PLEKHA8: variants seen among roughly 807,000 people sequenced by gnomAD.
PLEKHA8 encodes the protein pleckstrin homology domain-containing family A member 8.
PLEKHA8 carries 36 observed loss-of-function variants against 68.2 expected under a neutral mutation model. The ratio of observed to expected loss-of-function variants is 0.53; its 90% CI spans 0.40 to 0.70. The LOEUF (loss-of-function observed/expected upper bound fraction) is 0.70. Ranked by LOEUF, PLEKHA8 falls within the 30% of genes least tolerant of loss-of-function variation. The pLI is 0.00. For missense variants in PLEKHA8, 505 were observed against 615.4 expected (o/e 0.82, Z 1.90); for synonymous variants, 211 against 216.1 (o/e 0.98, Z 0.20).
chr7:30,034,229 G>T (rs116864115), intron 1 of PLEKHA8, among the ~76,000 whole-genome samples: 2,310 of 151,732 alleles, frequency 0.015, 26 homozygotes, highest in Non-Finnish European at 0.023. Flanking sequence ...AGGCTGGTCC[G>T]AACTCCTGAC....
At chr7:30,046,170 G>A (rs374624860) in intron 2 of PLEKHA8, 40 bp from the exon 3 acceptor site, 17 of 1,510,436 alleles carry the variant, frequency 1.1e-5, no homozygotes, top group Non-Finnish European at 1.5e-5. Context: ...CCCAGACAGG[G>A]CTCTTCTGAG....
chr7:30,104,367 ATCT>A (rs1264062018), intron 13 of PLEKHA8, among the ~76,000 whole-genome samples: 3 of 152,178 alleles, frequency 2.0e-5, no homozygotes, highest in Non-Finnish European at 2.9e-5. Context: ...CCAATGACCC[ATCT>A]TCTCCTAGAA....
At chr7:30,032,948 T>C (rs535999827) in intron 1 of PLEKHA8, among the ~76,000 whole-genome samples, 2 of 152,358 alleles carry the variant, frequency 1.3e-5, no homozygotes, top group Admixed American at 6.5e-5. Flanking sequence ...AAAGCCTGCA[T>C]CATACTGGCC....
intron 13 of PLEKHA8, among the ~76,000 whole-genome samples, chr7:30,100,870 A>T (rs1411249532): frequency 2.6e-5 from 4 of 152,210 alleles, no homozygotes; most frequent in Admixed American, 6.5e-5. Flanking sequence ...TAAATGTAGG[A>T]TGTTTGCAAG....
At chr7:30,101,958 T>C (rs921387694) in intron 13 of PLEKHA8, among the ~76,000 whole-genome samples, 4 of 152,190 alleles carry the variant, frequency 2.6e-5, no homozygotes, top group African/African-American at 7.2e-5. Context: ...TAAAAAACTT[T>C]TGTGCATCAA....
intron 13 of PLEKHA8, among the ~76,000 whole-genome samples, chr7:30,101,155 C>A (rs1196746036): frequency 6.6e-6 from 1 of 150,782 alleles, no homozygotes; most frequent in Non-Finnish European, 1.5e-5. Context: ...GCACTCCAGC[C>A]TGGGCAACAG....
intron 9 of PLEKHA8, among the ~76,000 whole-genome samples, chr7:30,057,457 C>G (rs1315362524): frequency 1.3e-5 from 2 of 150,600 alleles, no homozygotes; most frequent in Non-Finnish European, 3.0e-5. Context: ...TAGTTTGGGA[C>G]TCTTTTTTTT....
At position 30,046,193 on chromosome 7, in the gene PLEKHA8, C is replaced by T. The variant is rs1290979405; in HGVS notation, c.158-17C>T. The T allele has an allele frequency of 3.8e-6, 6 of 1,568,384 alleles. No individual in the cohort carries two copies. In the African/African-American group the frequency reaches 5.4e-5, roughly 14 times the overall value. On this transcript the variant is annotated splice_polypyrimidine_tract_variant and intron_variant, in intron 2 of 13. Transcript: ENST00000449726. Reference sequence around the variant, plus strand: ...GGGCTCTTCTGAGTCTCTGATCTCCCTCTGTCTTGCTCCCAGTTCATTCTG... The same window carrying T: ...GGGCTCTTCTGAGTCTCTGATCTCCTTCTGTCTTGCTCCCAGTTCATTCTG...
chr7:30,095,025 C>T (rs1279452856), downstream of PLEKHA8, among the ~76,000 whole-genome samples: 4 of 152,162 alleles, frequency 2.6e-5, no homozygotes, highest in South Asian at 4.2e-4. Context: ...ATTTATAATC[C>T]TTTGGGTATA....
At chr7:30,094,593 A>G (rs1795534865), downstream of PLEKHA8, among the ~76,000 whole-genome samples, 4 of 151,866 alleles carry the variant, frequency 2.6e-5, no homozygotes, top group Admixed American at 2.0e-4. Flanking sequence ...TACATGTGCC[A>G]TGTTGGTGTG....
Position 30,084,161 on chromosome 7 carries a change from T to C in PLEKHA8, c.*5374T>C. 1 of 985,298 alleles carries C rather than the reference T, an allele frequency of 1.0e-6. No individual in the cohort carries two copies. Among genetic ancestry groups the C allele is most frequent in the Non-Finnish European group, 1.2e-6 (1 of 829,774 alleles). 61.0% of individuals were successfully genotyped at this position (985,298 alleles called of 1,614,324 possible). On this transcript the variant is annotated 3_prime_UTR_variant, in exon 14 of 14. Coordinates refer to ENST00000449726, the MANE Select transcript of PLEKHA8 (RefSeq NM_001197026.2). ...TTAATAGACTTAACAAATTAATGTC[T>C]ACATAAAGAAGAAACATGATAGACC...
chr7:30,056,852 AATAT>A (rs1451250424), intron 9 of PLEKHA8, among the ~76,000 whole-genome samples: 1 of 143,542 alleles, frequency 7.0e-6, no homozygotes, highest in Non-Finnish European at 1.5e-5. Flanking sequence ...TTAATAGATA[AATAT>A]ATCTGAAAAT....
At chr7:30,063,657 C>T (rs1457816187) in intron 12 of PLEKHA8, among the ~76,000 whole-genome samples, 1 of 152,122 alleles carries the variant, frequency 6.6e-6, no homozygotes. Flanking sequence ...ACGTGATTTC[C>T]CGAGTCTGCC....
At chr7:30,047,756 C>T in intron 3 of PLEKHA8, 76 bp from the exon 4 acceptor site, 1 of 1,427,460 alleles carries the variant, frequency 7.0e-7, no homozygotes, top group Non-Finnish European at 9.5e-7. Context: ...GTAAGGATTC[C>T]TCTTCTGCAT....
intron 1 of PLEKHA8, among the ~76,000 whole-genome samples, chr7:30,043,675 C>T (rs1044062697): frequency 6.6e-6 from 1 of 152,190 alleles, no homozygotes; most frequent in Admixed American, 6.5e-5. Flanking sequence ...TACCCAACTC[C>T]TTCACATAGA....
At chr7:30,127,394 T>A (rs949040622) in intron 13 of PLEKHA8, among the ~76,000 whole-genome samples, 9 of 152,200 alleles carry the variant, frequency 5.9e-5, no homozygotes, top group African/African-American at 1.9e-4. Context: ...TGGGTGATAT[T>A]TTTTGGTAAG....
intron 13 of PLEKHA8, among the ~76,000 whole-genome samples, chr7:30,116,900 C>T (rs1489882037): frequency 6.6e-6 from 1 of 152,156 alleles, no homozygotes; most frequent in East Asian, 1.9e-4. Flanking sequence ...GGATCTGAAA[C>T]CTAGGCTGGG....
At chr7:30,046,015 CTTGA>C in intron 2 of PLEKHA8, among the ~76,000 whole-genome samples, 191 bp from the exon 3 acceptor site, 1 of 152,312 alleles carries the variant, frequency 6.6e-6, no homozygotes, top group Middle Eastern at 3.4e-3. Context: ...GGTTTTCCCT[CTTGA>C]TTAACAGAGA....
At chr7:30,107,876 C>T (rs1269764822) in intron 13 of PLEKHA8, among the ~76,000 whole-genome samples, 3 of 152,040 alleles carry the variant, frequency 2.0e-5, no homozygotes, top group Non-Finnish European at 2.9e-5. Context: ...CAAGACCAGC[C>T]TGACCAACAT....
Sources: allele counts gnomAD v4.1 joint callset (sites outside exome capture counted in the v4.1 genomes callset), GRCh38; gene constraint gnomAD v4.1.1; transcripts MANE v1.5; gene names NCBI Gene and HGNC (gene_info 2026-07-23, HGNC 2026-07-21).